KLHL2: variants seen among roughly 807,000 people sequenced by gnomAD.
The protein encoded by KLHL2 is kelch like family member 2, also known as kelch-like protein 2.
In KLHL2, 15 loss-of-function variants were observed where a neutral mutation model predicts 75.8. The observed-to-expected ratio is 0.20, with a 90% CI of 0.13 to 0.30. KLHL2 has a LOEUF of 0.30. Ranked by LOEUF, KLHL2 falls within the 10% of genes least tolerant of loss-of-function variation. The pLI is 1.00. For missense variants in KLHL2, 381 were observed against 741.0 expected, an observed-to-expected ratio of 0.51 and a Z score of 5.64; for synonymous variants, 214 against 251.9, an observed-to-expected ratio of 0.85 and a Z score of 1.42.
At chr4:165,275,523 C>A (rs566584878) in intron 5 of KLHL2, among the ~76,000 whole-genome samples, 3 of 152,172 alleles carry the variant, frequency 2.0e-5, no homozygotes, top group Non-Finnish European at 4.4e-5. Flanking sequence ...ATTCCTATAC[C>A]TCACCACTTC....
chr4:165,240,530 A>G (rs1257345940), intron 4 of KLHL2: 1 of 150,706 alleles, frequency 6.6e-6, no homozygotes, highest in Non-Finnish European at 1.5e-5. Context: ...CAGATGCTAG[A>G]TGAACTTTTT....
chr4:165,319,611 T>C lies in KLHL2; in HGVS notation c.1753+1642T>C, dbSNP rs1277471754. Among the ~76,000 whole-genome samples, 1 of 152,056 alleles carries C rather than the reference T, an allele frequency of 6.6e-6. No homozygotes were observed. The highest frequency in any genetic ancestry group is 1.5e-5 in the Non-Finnish European group (1 of 68,012). On this transcript the variant is annotated intron_variant, in intron 14 of 14. Transcript: ENST00000226725. This position sits in a 1 kb window ranked among gnomAD's most constrained non-coding sequence, Gnocchi z 4.5. The stretch of plus-strand genomic sequence containing the variant: ...TTTATCTTGTGTTGAACATGCAGCT[T>C]TTATGTGGGTGCAGGATTTTTGTTT...
intron 13 of KLHL2, among the ~76,000 whole-genome samples, chr4:165,317,029 C>A (rs1022305310): frequency 6.6e-6 from 1 of 151,714 alleles, no homozygotes; most frequent in East Asian, 1.9e-4. Flanking sequence ...TAATACTTTT[C>A]TAGATGTTTT....
chr4:165,257,974 G>C (rs1161279757), intron 4 of KLHL2, among the ~76,000 whole-genome samples: 1 of 152,010 alleles, frequency 6.6e-6, no homozygotes, highest in Non-Finnish European at 1.5e-5. Context: ...GAACACCAGG[G>C]TTCTCATGAT....
rs1230652813 is a variant in KLHL2, at chr4:165,299,641, C to G, written c.906C>G (p.Pro302=). ...MKSVRTRLRT[P]MNLPKLMVVV... The stretch of plus-strand genomic sequence containing the variant: ...GTGTCCGGACCCGGCTGAGGACACC[C>G]ATGAACCTTCCCAAAGTAGGATCTG... The change falls in exon 8 of 15, where the codon CCC becomes CCG. Residue 302 remains proline, a synonymous_variant. Coordinates refer to ENST00000226725, the MANE Select transcript of KLHL2 (RefSeq NM_007246.4). The G allele has an allele frequency of 1.2e-6, 2 of 1,606,200 alleles. No homozygotes were observed. Among genetic ancestry groups the G allele is most frequent in the Non-Finnish European group, 8.5e-7 (1 of 1,177,426 alleles).
At chr4:165,270,576 C>T (rs1358351430) in intron 5 of KLHL2, among the ~76,000 whole-genome samples, 1 of 152,122 alleles carries the variant, frequency 6.6e-6, no homozygotes, top group Non-Finnish European at 1.5e-5. Flanking sequence ...CCAACAGGCC[C>T]CTCAGCTGCA....
chr4:165,287,091 CAG>C (rs1174394911), intron 5 of KLHL2, among the ~76,000 whole-genome samples: 1 of 152,146 alleles, frequency 6.6e-6, no homozygotes, highest in East Asian at 1.9e-4. Context: ...TATTGTGAAA[CAG>C]ATCTCTAGAA....
At chr4:165,248,114 C>T (rs115528746) in intron 4 of KLHL2, among the ~76,000 whole-genome samples, 3,113 of 152,140 alleles carry the variant, frequency 0.02, 94 homozygotes, top group African/African-American at 0.071. Context: ...GGCTCTACAC[C>T]ATGTTTTAAA....
chr4:165,313,946 A>G lies in KLHL2; in HGVS notation c.1469-80A>G, dbSNP rs1746407015. ...AATTATAACTTCGAAAGTTTTAGTT[A>G]CAAGTCATTTAAATAAACCTAATAT... is the stretch of plus-strand genomic sequence containing the variant. On this transcript the variant is annotated intron_variant, in intron 12 of 14. Transcript: ENST00000226725. 2.9e-6 allele frequency: 4 copies of G among 1,400,698 alleles called. No individual in the cohort carries two copies. In the Admixed American group the frequency reaches 7.2e-5, roughly 25 times the overall value. The allele number at this position is 1,400,698 out of a possible 1,614,324, so 86.8% of individuals were successfully genotyped here.
intron 5 of KLHL2, among the ~76,000 whole-genome samples, chr4:165,268,659 T>C (rs1273471469): frequency 1.3e-5 from 2 of 152,168 alleles, no homozygotes; most frequent in Non-Finnish European, 2.9e-5. Context: ...CTAATTTGAT[T>C]GCACTGTGGT....
chr4:165,276,674 T>C lies in KLHL2; in HGVS notation c.544+13315T>C, dbSNP rs986907226. On this transcript the variant is annotated intron_variant, in intron 5 of 14. Transcript: ENST00000226725. ...GGCATTTATAATGATAAACCTTTTT[T>C]CAGTTATAATAAGATACTAAGCAGA... Among the ~76,000 whole-genome samples, 7 of 152,324 alleles carry C rather than the reference T, an allele frequency of 4.6e-5. No individual in the cohort carries two copies. In the South Asian group the frequency reaches 8.3e-4, roughly 18 times the overall value.
intron 1 of KLHL2, chr4:165,210,300 C>A: frequency 1.0e-6 from 1 of 998,340 alleles, no homozygotes; most frequent in Non-Finnish European, 1.5e-6. Context: ...ACATTGTTCT[C>A]AGATCCCACC....
Position 165,254,435 on chromosome 4 carries a change from AT to A in KLHL2, c.382-8756del, listed in dbSNP as rs200591001. On this transcript the variant is annotated intron_variant, in intron 4 of 14. Transcript: ENST00000226725. ...AAAAGTCATTTACGTATCTTATTCC[AT>A]TTTTTGGACTTTTTTCTCAAGGTAG... is the stretch of plus-strand genomic sequence containing the variant. 3.8e-3 allele frequency among the ~76,000 whole-genome samples: 582 copies of A among 152,012 alleles called. 2 individuals carry two copies. Among genetic ancestry groups the A allele is most frequent in the South Asian group, 0.021 (99 of 4,818 alleles).
chr4:165,292,630 G>A (rs1744605231), intron 5 of KLHL2, among the ~76,000 whole-genome samples: 1 of 152,136 alleles, frequency 6.6e-6, no homozygotes, highest in Non-Finnish European at 1.5e-5. Flanking sequence ...ACCATGCCCT[G>A]CCAACCTTTT....
At chr4:165,221,305 T>C (rs1276932263) in intron 2 of KLHL2, among the ~76,000 whole-genome samples, 1 of 152,186 alleles carries the variant, frequency 6.6e-6, no homozygotes, top group African/African-American at 2.4e-5. Flanking sequence ...GAAAGGTGGA[T>C]AACAGTGGTC....
intron 9 of KLHL2, 37 bp from the exon 10 acceptor site, chr4:165,310,516 T>G (rs1560828634): frequency 8.3e-6 from 13 of 1,557,428 alleles, no homozygotes; most frequent in Non-Finnish European, 1.2e-5. Flanking sequence ...GTAGTTGAGT[T>G]GCATGTTGAT....
intron 5 of KLHL2, among the ~76,000 whole-genome samples, chr4:165,264,492 GTTAC>G (rs1741982859): frequency 6.6e-6 from 1 of 150,754 alleles, no homozygotes; most frequent in Non-Finnish European, 1.5e-5. Context: ...CCATTCCTGA[GTTAC>G]TTAACTTAGA....
intron 4 of KLHL2, among the ~76,000 whole-genome samples, chr4:165,262,764 A>C (rs938589790): frequency 6.6e-6 from 1 of 151,974 alleles, no homozygotes; most frequent in African/African-American, 2.4e-5. Context: ...TTTTTTGTAG[A>C]GATGAGGTCT....
chr4:165,264,723 T>TATATATATATATATATATATATATAC (rs1560783892), intron 5 of KLHL2, among the ~76,000 whole-genome samples: 3 of 70,510 alleles, frequency 4.3e-5, no homozygotes, highest in Non-Finnish European at 8.0e-5. Context: ...TATATATACA[T>TATATATATATATATATATATATATAC]ATATATATAT....
Sources: allele counts gnomAD v4.1 joint callset (sites outside exome capture counted in the v4.1 genomes callset), GRCh38; gene constraint gnomAD v4.1.1; non-coding constraint Gnocchi (gnomAD v3.1); transcripts MANE v1.5; gene names NCBI Gene and HGNC (gene_info 2026-07-23, HGNC 2026-07-21).